GLIS1: variants seen among roughly 807,000 people sequenced by gnomAD.
The protein encoded by GLIS1 is zinc finger protein GLIS1.
Under a neutral mutation model 63.8 loss-of-function variants are expected in GLIS1, and 24 were observed. The observed-to-expected ratio is 0.38, with a 90% CI of 0.27 to 0.53. The LOEUF is 0.53. Among genes scored for constraint, GLIS1 ranks in the 20% least tolerant of loss-of-function variants. The pLI, the probability that GLIS1 is intolerant of heterozygous loss-of-function variation, is 0.85. For missense variants in GLIS1, 1,036 were observed against 1,074.1 expected (o/e 0.96, Z 0.50); for synonymous variants, 450 against 482.5 (o/e 0.93, Z 0.88).
Position 53,622,763 on chromosome 1 carries a change from G to C in GLIS1, c.260-22485C>G, listed in dbSNP as rs888875265. Among the ~76,000 whole-genome samples, 7 of 152,320 alleles carry C rather than the reference G, an allele frequency of 4.6e-5. No individual in the cohort carries two copies. The East Asian group carries it at 1.4e-3, about 29-fold the overall frequency. On this transcript the variant is annotated intron_variant, in intron 2 of 10. Transcript: ENST00000628545. Reference sequence around the variant, plus strand: ...GATTCTCCCCCGGAGCCTCCAGAGGGAGCAAGGCCCTGCCGACACCTTGAT... The same window carrying C: ...GATTCTCCCCCGGAGCCTCCAGAGGCAGCAAGGCCCTGCCGACACCTTGAT...
In GLIS1 at chr1:53,628,968, A is replaced by G. The variant is rs189181236; in HGVS notation, c.260-28690T>C. ...CTGGCACATCAGAACGACCTGGGGAACTTGAAAAATAAATCTGGGCTCTGC... is the reference window on the plus strand; with the variant it reads ...CTGGCACATCAGAACGACCTGGGGAGCTTGAAAAATAAATCTGGGCTCTGC... On this transcript the variant is annotated intron_variant, in intron 2 of 10. Coordinates refer to ENST00000628545, the MANE Select transcript of GLIS1 (RefSeq NM_001367484.1). Among the ~76,000 whole-genome samples the G allele has an allele frequency of 1.0e-3, 152 of 152,212 alleles. 2 individuals carry two copies. Among genetic ancestry groups the G allele is most frequent in the African/African-American group, 3.5e-3 (145 of 41,532 alleles).
At chr1:53,540,088 G>A (rs552156959) in intron 4 of GLIS1, among the ~76,000 whole-genome samples, 135 of 152,246 alleles carry the variant, frequency 8.9e-4, no homozygotes, top group African/African-American at 2.9e-3. Context: ...CTGCGGCCAG[G>A]ACTGCCGGTC....
At chr1:53,608,715 C>G (rs1322958477) in intron 2 of GLIS1, among the ~76,000 whole-genome samples, 1 of 152,192 alleles carries the variant, frequency 6.6e-6, no homozygotes, top group Admixed American at 6.5e-5. Context: ...CACTACATAA[C>G]TGTTTGCTAT....
chr1:53,621,768 A>G (rs1396908659), intron 2 of GLIS1, among the ~76,000 whole-genome samples: 2 of 152,170 alleles, frequency 1.3e-5, no homozygotes, highest in African/African-American at 4.8e-5. Context: ...TTTGCTGTTC[A>G]GTTTATTTCA....
chr1:53,529,882 T>C lies in GLIS1; in HGVS notation c.1391A>G (p.Glu464Gly). Residue 464 changes from glutamate (E) to glycine (G), a missense_variant, in exon 5 of 11, where the codon GAG becomes GGG. Around this residue, in one of 3 missense-constraint regions of GLIS1, gnomAD observed 44 missense variants for 79.3 expected, o/e 0.55. Transcript: ENST00000628545. ...CGGGTGCTGGCACAGGTACGGCTTC[T>C]CGCCCGTGTGGCTCCTCAGGTGGAT... ...LKIHLRSHTGEKPYLCQHPGC... is the reference protein window; with the variant it reads ...LKIHLRSHTGGKPYLCQHPGC... 1.2e-6 allele frequency: 2 copies of C among 1,613,934 alleles called. No individual in the cohort carries two copies. The highest frequency in any genetic ancestry group is 1.7e-6 in the Non-Finnish European group (2 of 1,179,970).
intron 6 of GLIS1, among the ~76,000 whole-genome samples, chr1:53,522,654 AT>A (rs1171919160): frequency 6.6e-6 from 1 of 152,178 alleles, no homozygotes; most frequent in Non-Finnish European, 1.5e-5. Context: ...CATGACTCTA[AT>A]CCCCACATTT....
intron 2 of GLIS1, among the ~76,000 whole-genome samples, chr1:53,614,989 A>G (rs973587631): frequency 6.6e-5 from 10 of 152,096 alleles, no homozygotes; most frequent in Non-Finnish European, 2.9e-5. Context: ...AAAAATCTCT[A>G]TATTATATAT....
chr1:53,603,774 C>T (rs1479892442), intron 2 of GLIS1, among the ~76,000 whole-genome samples: 1 of 152,268 alleles, frequency 6.6e-6, no homozygotes, highest in Non-Finnish European at 1.5e-5. Context: ...GCCTGGCTTT[C>T]CCCATGCAAA....
chr1:53,575,170 AC>A (rs1431782589), intron 4 of GLIS1, among the ~76,000 whole-genome samples: 1 of 152,132 alleles, frequency 6.6e-6, no homozygotes, highest in Non-Finnish European at 1.5e-5. Context: ...GTTATCAAGA[AC>A]GGAGCACAGA....
At chr1:53,668,765 A>G (rs1646121301) in intron 2 of GLIS1, among the ~76,000 whole-genome samples, 1 of 152,214 alleles carries the variant, frequency 6.6e-6, no homozygotes, top group African/African-American at 2.4e-5. Context: ...GCCAAGGAGC[A>G]GCAGGCTATC....
intron 4 of GLIS1, among the ~76,000 whole-genome samples, chr1:53,591,608 C>T (rs1355680121): frequency 6.6e-6 from 1 of 152,218 alleles, no homozygotes; most frequent in Non-Finnish European, 1.5e-5. Context: ...GCAAATTATG[C>T]AATCTTCCTG....
intron 9 of GLIS1, 149 bp downstream of exon 9, chr1:53,509,698 CCT>C (rs1182959263): frequency 1.7e-5 from 8 of 466,754 alleles, no homozygotes; most frequent in Non-Finnish European, 2.1e-5. Flanking sequence ...TCTTATGTCC[CCT>C]GTCTCCTAGC....
At chr1:53,666,496 A>G (rs1301289942) in intron 2 of GLIS1, among the ~76,000 whole-genome samples, 2 of 152,172 alleles carry the variant, frequency 1.3e-5, no homozygotes, top group Non-Finnish European at 2.9e-5. Context: ...AGTGGCTGAC[A>G]AAGAGCCCAG....
At chr1:53,570,997 A>G (rs1378049607) in intron 4 of GLIS1, among the ~76,000 whole-genome samples, 1 of 152,238 alleles carries the variant, frequency 6.6e-6, no homozygotes, top group African/African-American at 2.4e-5. Flanking sequence ...CTAAAAAAAA[A>G]TACCATCAGG....
rs1182645716 is a variant in GLIS1 at position 53,539,989 on chromosome 1, G to A, written c.1321-10037C>T. Among the ~76,000 whole-genome samples, 1 of 152,162 alleles carries A rather than the reference G, an allele frequency of 6.6e-6. No homozygotes were observed. The highest frequency in any genetic ancestry group is 1.5e-5 in the Non-Finnish European group (1 of 68,030). ...GCCCATGCGGTGTCCTCTGCTCAAG[G>A]TGCCCCTGTTCACTGGCCAGTCCTC... On this transcript the variant is annotated intron_variant, in intron 4 of 10. Transcript: ENST00000628545. This position sits in a 1 kb window ranked among gnomAD's most constrained non-coding sequence, Gnocchi z 5.0.
intron 2 of GLIS1, among the ~76,000 whole-genome samples, chr1:53,665,292 G>A (rs1478604422): frequency 1.3e-5 from 2 of 152,184 alleles, no homozygotes; most frequent in African/African-American, 2.4e-5. Context: ...GCAACTAGTA[G>A]GAACATGGGG....
intron 4 of GLIS1, among the ~76,000 whole-genome samples, chr1:53,570,868 T>C (rs1211615860): frequency 6.6e-6 from 1 of 152,154 alleles, no homozygotes; most frequent in Non-Finnish European, 1.5e-5. Flanking sequence ...AGCCCTCCCA[T>C]TATCAGAGGA....
intron 2 of GLIS1, among the ~76,000 whole-genome samples, chr1:53,641,580 G>A (rs141072331): frequency 6.6e-6 from 1 of 152,286 alleles, no homozygotes; most frequent in Non-Finnish European, 1.5e-5. Context: ...AAAAATGTGG[G>A]TGAAAAACTC....
intron 4 of GLIS1, among the ~76,000 whole-genome samples, chr1:53,556,866 GGT>G (rs1644839682): frequency 2.0e-5 from 3 of 147,440 alleles, no homozygotes; most frequent in African/African-American, 7.6e-5. Context: ...GTATACTGCA[GGT>G]GTGTGTATGC....
Sources: gnomAD v4.1 joint callset for allele counts (sites outside exome capture counted in the v4.1 genomes callset) on GRCh38, gnomAD v4.1.1 for gene constraint, gnomAD v4.1.1 regional missense constraint, Gnocchi (gnomAD v3.1) non-coding constraint, MANE v1.5 for transcripts, NCBI Gene and HGNC (gene_info 2026-07-23, HGNC 2026-07-21) for gene names.